AQR: variants seen among roughly 807,000 people sequenced by gnomAD.
AQR encodes the protein RNA helicase aquarius.
AQR carries 61 observed loss-of-function variants against 180.5 expected under a neutral mutation model. That is an observed-to-expected ratio of 0.34 (90% CI 0.28 to 0.42). AQR has a LOEUF of 0.42. AQR is among the 10% of genes least tolerant of loss of function. The probability of loss-of-function intolerance (pLI) is 1.00; values close to 1 mark genes in which losing one functional copy is unlikely to be tolerated. For missense variants in AQR, 1,281 were observed against 1,798.3 expected (o/e 0.71, Z 5.20); for synonymous variants, 551 against 588.8 (o/e 0.94, Z 0.93).
At position 34,856,795 on chromosome 15, in the gene AQR, C is replaced by T. The variant is rs1892591229; in HGVS notation, c.4455G>A (p.Lys1485=). 6.6e-7 allele frequency: 1 copy of T among 1,525,234 alleles called. No homozygotes were observed. Among genetic ancestry groups the T allele is most frequent in the East Asian group, 2.3e-5 (1 of 44,010 alleles). 94.5% of individuals were successfully genotyped at this position (1,525,234 alleles called of 1,614,324 possible). The change falls in exon 35 of 35, where the codon AAG becomes AAA. Residue 1485 remains lysine (K), a synonymous_variant. Transcript: ENST00000156471. ...CTTTAGAAGGACTACAGTTTGGCTA[C>T]TTGGTCTCTTCCGGGGCAGATGTGG... The part of the protein sequence containing the change: ...QDATSAPEET[K]
At chr15:34,913,864 T>C (rs958233070) in intron 16 of AQR, among the ~76,000 whole-genome samples, 1 of 152,234 alleles carries the variant, frequency 6.6e-6, no homozygotes, top group Admixed American at 6.5e-5. Flanking sequence ...AATTTCACAG[T>C]GTTTGCCTGC....
At chr15:34,920,244 A>G (rs1009963898) in intron 14 of AQR, 88 bp downstream of exon 14, 1 of 909,152 alleles carries the variant, frequency 1.1e-6, no homozygotes, top group Non-Finnish European at 1.6e-6. Flanking sequence ...TTGGCCCACA[A>G]AAAAATCTAT....
chr15:34,885,052 A>T (rs1394220193), intron 25 of AQR, among the ~76,000 whole-genome samples: 1 of 152,214 alleles, frequency 6.6e-6, no homozygotes, highest in Non-Finnish European at 1.5e-5. Context: ...GTTTATTATT[A>T]ACGCTTAAAA....
intron 2 of AQR, among the ~76,000 whole-genome samples, chr15:34,961,950 T>TA (rs901124072): frequency 1.4e-4 from 21 of 149,448 alleles, no homozygotes; most frequent in East Asian, 5.8e-4. Context: ...TTAATAATAG[T>TA]AAAAAAAAAT....
chr15:34,937,823 G>A (rs1427984383), intron 9 of AQR, among the ~76,000 whole-genome samples: 1 of 151,962 alleles, frequency 6.6e-6, no homozygotes, highest in Admixed American at 6.6e-5. Flanking sequence ...GACGGAGGTT[G>A]CAGTGAGCCA....
Position 34,920,223 on chromosome 15 carries a change from C to T in AQR, c.1221+109G>A. 8.9e-6 allele frequency: 6 copies of T among 675,184 alleles called. No homozygotes were observed. The South Asian group carries it at 1.3e-4, about 14-fold the overall frequency. The allele number at this position is 675,184 out of a possible 1,614,324, so 41.8% of individuals were successfully genotyped here. On this transcript the variant is annotated intron_variant, in intron 14 of 34. Coordinates refer to ENST00000156471, the MANE Select transcript of AQR (RefSeq NM_014691.3). The stretch of plus-strand genomic sequence containing the variant: ...ATTCCAAAAACAAAATGGGAATTAT[C>T]TGCCTAATCTTTGGCCCACAAAAAA...
intron 23 of AQR, among the ~76,000 whole-genome samples, chr15:34,892,423 G>A (rs1017254937): frequency 4.6e-5 from 7 of 152,172 alleles, no homozygotes; most frequent in African/African-American, 1.7e-4. Context: ...AAAAGTTCTA[G>A]TTTAGTGTAG....
intron 13 of AQR, among the ~76,000 whole-genome samples, chr15:34,925,333 A>T (rs543386895): frequency 4.0e-4 from 61 of 152,342 alleles, no homozygotes; most frequent in Admixed American, 5.2e-4. Context: ...ATTAAAATCC[A>T]ATTTACCCAG....
intron 19 of AQR, among the ~76,000 whole-genome samples, chr15:34,903,275 T>C (rs1213852556): frequency 6.6e-6 from 1 of 152,100 alleles, no homozygotes; most frequent in Non-Finnish European, 1.5e-5. Context: ...AGACAGATAA[T>C]GAGAGGGCCT....
chr15:34,895,219 T>A (rs1405492443), intron 22 of AQR, among the ~76,000 whole-genome samples: 6 of 67,734 alleles, frequency 8.9e-5, no homozygotes, highest in Non-Finnish European at 1.1e-4. Context: ...TATATATATA[T>A]ATGAAACAAA....
intron 15 of AQR, among the ~76,000 whole-genome samples, chr15:34,916,184 C>T (rs1893582301): frequency 6.6e-6 from 1 of 152,076 alleles, no homozygotes; most frequent in Admixed American, 6.5e-5. Flanking sequence ...TTAGCATGAA[C>T]ACTGAATTAT....
At chr15:34,920,903 A>C (rs1893674199) in intron 13 of AQR, among the ~76,000 whole-genome samples, 1 of 152,070 alleles carries the variant, frequency 6.6e-6, no homozygotes, top group African/African-American at 2.4e-5. Flanking sequence ...GCTTGCAGTG[A>C]GCCGAGATCG....
chr15:34,896,779 G>A (rs1893250808), intron 22 of AQR, 118 bp downstream of exon 22: 1 of 815,826 alleles, frequency 1.2e-6, no homozygotes. Flanking sequence ...AACCTGGGAG[G>A]CAGAGGCTGC....
At chr15:34,886,447 G>A (rs559858462) in intron 25 of AQR, 79 bp downstream of exon 25, 2 of 1,442,712 alleles carry the variant, frequency 1.4e-6, no homozygotes, top group East Asian at 4.7e-5. Flanking sequence ...TTTCATGAAG[G>A]ATCACAAGAA....
intron 28 of AQR, 78 bp from the exon 29 acceptor site, chr15:34,874,942 C>A (rs1892870810): frequency 3.1e-6 from 4 of 1,301,780 alleles, no homozygotes; most frequent in African/African-American, 1.5e-5. Flanking sequence ...GAGACTCAGT[C>A]TTCATCAAAC....
chr15:34,861,776 C>A (rs1457841793), intron 33 of AQR, among the ~76,000 whole-genome samples: 1 of 152,168 alleles, frequency 6.6e-6, no homozygotes, highest in Non-Finnish European at 1.5e-5. Flanking sequence ...TTTCCTATTT[C>A]TCCACAGCAG....
At chr15:34,947,562 A>G (rs1045482387) in intron 5 of AQR, among the ~76,000 whole-genome samples, 1 of 146,012 alleles carries the variant, frequency 6.8e-6, no homozygotes. Flanking sequence ...TAAAAATAAG[A>G]CAAAAAAAAT....
chr15:34,891,725 C>T (rs992741048), intron 23 of AQR, among the ~76,000 whole-genome samples: 39 of 151,778 alleles, frequency 2.6e-4, no homozygotes, highest in African/African-American at 9.4e-4. Flanking sequence ...TTTTACAGAA[C>T]AAATTTTATA....
chr15:34,885,273 T>C (rs773054820), intron 25 of AQR, among the ~76,000 whole-genome samples: 1 of 152,222 alleles, frequency 6.6e-6, no homozygotes, highest in Non-Finnish European at 1.5e-5. Flanking sequence ...TTTGTGATTA[T>C]AGTTCAATTA....
Sources: allele counts gnomAD v4.1 joint callset (sites outside exome capture counted in the v4.1 genomes callset), GRCh38; gene constraint gnomAD v4.1.1; transcripts MANE v1.5; gene names NCBI Gene and HGNC (gene_info 2026-07-23, HGNC 2026-07-21).